Variants in ASIC4 observed in about 807,000 individuals in gnomAD.
ASIC4 encodes the protein acid-sensing ion channel 4.
A neutral mutation model predicts 53.4 loss-of-function variants in ASIC4; 28 were observed. The observed-to-expected ratio is 0.52, with a 90% CI of 0.39 to 0.72. ASIC4 has a LOEUF of 0.72. ASIC4 is among the 30% of genes least tolerant of loss of function. ASIC4 has a pLI of 0.00. For synonymous variants in ASIC4, 289 were observed against 301.4 expected, an observed-to-expected ratio of 0.96 and a Z score of 0.43; for missense variants, 649 against 729.7, an observed-to-expected ratio of 0.89 and a Z score of 1.27.
At chr2:219,534,090 C>T (rs1399069334) in intron 5 of ASIC4, 1 of 147,868 alleles carries the variant, frequency 6.8e-6, no homozygotes, top group Non-Finnish European at 1.5e-5. Context: ...CCAACAAAGG[C>T]CTGTGGCAAG....
intron 5 of ASIC4, chr2:219,533,599 G>C: frequency 6.3e-6 from 1 of 157,954 alleles, no homozygotes; most frequent in Admixed American, 6.0e-5. Context: ...CACATTAGCT[G>C]AGGCTTGATG....
At chr2:219,514,041 C>A, upstream of ASIC4, 1 of 408,346 alleles carries the variant, frequency 2.4e-6, no homozygotes, top group Non-Finnish European at 4.3e-6. Context: ...GTCTCAGAGG[C>A]CAGGAGGTGG....
At chr2:219,522,967 G>GC (rs1694911679) in intron 1 of ASIC4, among the ~76,000 whole-genome samples, 1 of 152,168 alleles carries the variant, frequency 6.6e-6, no homozygotes, top group Non-Finnish European at 1.5e-5. Flanking sequence ...CGCGCGAGCC[G>GC]GTGGGTGCGG....
Position 219,514,760 on chromosome 2 carries a change from T to C in ASIC4, c.36T>C (p.Ala12=). ...PIEIVCKIKF[A]EEDAKPKEKE... is the part of the protein sequence containing the mutation. Reference sequence around the variant, plus strand: ...AGATTGTGTGCAAAATCAAATTTGCTGAGGAGGATGCGAAACCCAAGGAGA... The same window carrying C: ...AGATTGTGTGCAAAATCAAATTTGCCGAGGAGGATGCGAAACCCAAGGAGA... Residue 12 remains alanine (A), a synonymous_variant, in exon 1 of 10, where the codon GCT becomes GCC. Coordinates refer to ENST00000358078, the MANE Select transcript of ASIC4 (RefSeq NM_018674.6). The C allele has an allele frequency of 6.2e-7, 1 of 1,613,516 alleles. No individual in the cohort carries two copies. Among genetic ancestry groups the C allele is most frequent in the African/African-American group, 1.3e-5 (1 of 74,994 alleles).
chr2:219,509,253 G>C (rs1344322074), upstream of ASIC4, among the ~76,000 whole-genome samples: 1 of 152,062 alleles, frequency 6.6e-6, no homozygotes, highest in Non-Finnish European at 1.5e-5. The surrounding 1 kb of genome is among the most constrained non-coding windows in gnomAD (Gnocchi z 5.2). Flanking sequence ...GGCACAGCTG[G>C]GGCCCCACCA....
At chr2:219,515,454 G>A in intron 1 of ASIC4, 148 bp downstream of exon 1, 1 of 1,169,988 alleles carries the variant, frequency 8.5e-7, no homozygotes. Context: ...CCCCAAGCCT[G>A]GCGTCTCCCT....
chr2:219,527,960 G>T (rs1694984628), intron 1 of ASIC4, among the ~76,000 whole-genome samples: 1 of 152,230 alleles, frequency 6.6e-6, no homozygotes, highest in Non-Finnish European at 1.5e-5. Flanking sequence ...CACCACAACG[G>T]TGCCTGGCAG....
the ASIC4 span, among the ~76,000 whole-genome samples, chr2:219,508,460 A>AG: frequency 3.3e-5 from 5 of 152,018 alleles, no homozygotes; most frequent in Non-Finnish European, 7.4e-5. Context: ...CAGTGTTTGA[A>AG]GGGGGGTGCC....
intron 5 of ASIC4, chr2:219,533,608 TGG>T: frequency 6.4e-6 from 1 of 156,210 alleles, no homozygotes; most frequent in Admixed American, 6.2e-5. Flanking sequence ...TGAGGCTTGA[TGG>T]GTGTATAAGA....
Position 219,516,379 on chromosome 2 carries a change from G to T in ASIC4, c.582+1073G>T, listed in dbSNP as rs1473949914. ...CACAAGCACCCTCTCCGGGAGAGGG[G>T]TGTGAGCTTGGGCTGCTCTGCCATG... On this transcript the variant is annotated intron_variant, in intron 1 of 9. Transcript: ENST00000358078. This position sits in a 1 kb window ranked among gnomAD's most constrained non-coding sequence, Gnocchi z 4.9. Among the ~76,000 whole-genome samples the T allele has an allele frequency of 1.3e-5, 2 of 152,066 alleles. No individual in the cohort carries two copies. The highest frequency in any genetic ancestry group is 2.9e-5 in the Non-Finnish European group (2 of 68,002).
chr2:219,525,424 G>T (rs1395088157), intron 1 of ASIC4, among the ~76,000 whole-genome samples: 2 of 152,212 alleles, frequency 1.3e-5, no homozygotes, highest in Non-Finnish European at 2.9e-5. Flanking sequence ...GATGGAGCTG[G>T]AGCTGAAACC....
chr2:219,536,185 C>T lies in ASIC4; in HGVS notation c.1229+861C>T, dbSNP rs1041528743. Among the ~76,000 whole-genome samples, 12 of 152,304 alleles carry T rather than the reference C, an allele frequency of 7.9e-5. No individual in the cohort carries two copies. Among genetic ancestry groups the T allele is most frequent in the Middle Eastern group, 3.4e-3 (1 of 294 alleles). On this transcript the variant is annotated intron_variant, in intron 6 of 9. Transcript: ENST00000358078. This position sits in a 1 kb window ranked among gnomAD's most constrained non-coding sequence, Gnocchi z 4.6. The stretch of plus-strand genomic sequence containing the variant: ...ACCTTTCATCTGAGTTCCCAGCACC[C>T]GTACAGATCTCTGTCATTACACATA...
At chr2:219,524,293 C>T (rs1443516120) in intron 1 of ASIC4, among the ~76,000 whole-genome samples, 2 of 152,240 alleles carry the variant, frequency 1.3e-5, no homozygotes, top group Non-Finnish European at 2.9e-5. Context: ...GTTGTTTGAA[C>T]ATTCACCAGT....
At chr2:219,508,837 G>A in the ASIC4 span, among the ~76,000 whole-genome samples, 34 of 151,334 alleles carry the variant, frequency 2.2e-4, no homozygotes, top group Admixed American at 5.9e-4. Context: ...ATGCGGGGGA[G>A]GGGTGCGCTC....
intron 5 of ASIC4, chr2:219,534,173 G>A (rs1017850434): frequency 2.6e-5 from 4 of 152,398 alleles, no homozygotes; most frequent in Admixed American, 2.6e-4. Context: ...GAAGCTGGCT[G>A]CAGTAATCCA....
chr2:219,514,068 G>T (rs112914682), upstream of ASIC4: 2 of 445,758 alleles, frequency 4.5e-6, no homozygotes, highest in Middle Eastern at 5.8e-4. Flanking sequence ...AGAGTTGGCT[G>T]ACCCTTCATG....
chr2:219,508,278 G>C, the ASIC4 span, among the ~76,000 whole-genome samples: 1 of 152,160 alleles, frequency 6.6e-6, no homozygotes, highest in Non-Finnish European at 1.5e-5. Context: ...TGTTCCGAGT[G>C]GTTGGCAGAG....
At chr2:219,511,394 C>G (rs911287399), upstream of ASIC4, among the ~76,000 whole-genome samples, 1 of 142,270 alleles carries the variant, frequency 7.0e-6, no homozygotes. The surrounding 1 kb of genome is among the most constrained non-coding windows in gnomAD (Gnocchi z 5.3). Flanking sequence ...CATGCACTGC[C>G]CCCCCCCCAC....
chr2:219,535,793 G>A (rs1264184606), intron 6 of ASIC4, among the ~76,000 whole-genome samples: 4 of 130,796 alleles, frequency 3.1e-5, no homozygotes, highest in African/African-American at 1.2e-4. Context: ...TTTTTTTTGA[G>A]ACAGAGTCTT....
Sources: gnomAD v4.1 joint callset for allele counts (sites outside exome capture counted in the v4.1 genomes callset) on GRCh38, gnomAD v4.1.1 for gene constraint, Gnocchi (gnomAD v3.1) non-coding constraint, MANE v1.5 for transcripts, NCBI Gene and HGNC (gene_info 2026-07-23, HGNC 2026-07-21) for gene names.